The following TCF7L2 variants were observed in gnomAD, a reference collection of about 807,000 sequenced individuals.
The protein encoded by TCF7L2 is transcription factor 7-like 2.
A neutral mutation model predicts 77.9 loss-of-function variants in TCF7L2; 23 were observed. The ratio of observed to expected loss-of-function variants is 0.30; its 90% CI spans 0.21 to 0.42. The LOEUF (loss-of-function observed/expected upper bound fraction) is 0.42. Ranked by LOEUF, TCF7L2 falls within the 10% of genes least tolerant of loss-of-function variation. The pLI, the probability that TCF7L2 is intolerant of heterozygous loss-of-function variation, is 1.00. For synonymous variants in TCF7L2, 413 were observed against 340.2 expected, an observed-to-expected ratio of 1.21 and a Z score of -2.36; for missense variants, 654 against 793.1, an observed-to-expected ratio of 0.82 and a Z score of 2.11.
intron 4 of TCF7L2, among the ~76,000 whole-genome samples, chr10:112,991,191 G>A (rs894212155): frequency 6.6e-6 from 1 of 152,156 alleles, no homozygotes; most frequent in Non-Finnish European, 1.5e-5. Flanking sequence ...GTGGAATCCT[G>A]TATCCATGTG....
At chr10:113,084,558 G>A (rs1197297996) in intron 5 of TCF7L2, among the ~76,000 whole-genome samples, 1 of 152,164 alleles carries the variant, frequency 6.6e-6, no homozygotes, top group Non-Finnish European at 1.5e-5. Flanking sequence ...ATCCAGAATA[G>A]TGTATAACCA....
rs972607545 is a variant in TCF7L2 at position 113,167,016 on chromosome 10, G to A, written c.*1044G>A. ...TCGTTTCCCCTTTGAACTCCCAGTG[G>A]GATGCCCTACCCTGCGCCCTTAGGA... On this transcript the variant is annotated 3_prime_UTR_variant, in exon 14 of 14. Transcript: ENST00000627217. 1.7e-5 allele frequency: 4 copies of A among 231,434 alleles called. No individual in the cohort carries two copies. The Admixed American group carries it at 2.3e-4, about 13-fold the overall frequency. 14.3% of individuals were successfully genotyped at this position (231,434 alleles called of 1,614,324 possible). A position where few individuals can be genotyped will look rare whatever the true frequency, so the allele number is the denominator to read the frequency against.
chr10:112,962,217 A>C (rs116898950), intron 3 of TCF7L2, among the ~76,000 whole-genome samples: 1 of 152,176 alleles, frequency 6.6e-6, no homozygotes, highest in Admixed American at 6.5e-5. Context: ...TAAGATTCCT[A>C]TGGTAACCCT....
At chr10:112,989,549 C>T (rs765898426) in intron 4 of TCF7L2, among the ~76,000 whole-genome samples, 2 of 152,092 alleles carry the variant, frequency 1.3e-5, no homozygotes, top group African/African-American at 2.4e-5. Context: ...CTGACATGCT[C>T]ATGAGAGTTT....
chr10:113,090,756 G>A (rs539230434), intron 5 of TCF7L2, among the ~76,000 whole-genome samples: 101 of 148,932 alleles, frequency 6.8e-4, no homozygotes, highest in Non-Finnish European at 1.4e-3. Flanking sequence ...CTACAGGTGC[G>A]CGCCACCAAG....
At chr10:113,154,737 A>G (rs2071491064) in intron 11 of TCF7L2, among the ~76,000 whole-genome samples, 1 of 152,142 alleles carries the variant, frequency 6.6e-6, no homozygotes, top group Non-Finnish European at 1.5e-5. Context: ...TAAATTTGGA[A>G]GATGGTTTGG....
intron 5 of TCF7L2, among the ~76,000 whole-genome samples, chr10:113,045,305 A>G (rs1014757827): frequency 1.3e-5 from 2 of 152,060 alleles, no homozygotes; most frequent in African/African-American, 4.8e-5. Flanking sequence ...CCTGTTCTAG[A>G]GAGGAGGAAC....
chr10:113,116,610 T>G (rs1026080581), intron 5 of TCF7L2, among the ~76,000 whole-genome samples: 2 of 152,212 alleles, frequency 1.3e-5, no homozygotes, highest in Non-Finnish European at 2.9e-5. Context: ...TACAAGGTAG[T>G]TACTGTAAAT....
At chr10:113,134,378 C>T (rs2067083261) in intron 5 of TCF7L2, among the ~76,000 whole-genome samples, 1 of 152,182 alleles carries the variant, frequency 6.6e-6, no homozygotes, top group African/African-American at 2.4e-5. Flanking sequence ...TGGGACTGTC[C>T]ATGCAGGCCT....
chr10:112,950,782 G>T lies in TCF7L2; in HGVS notation c.26G>T (p.Gly9Val). ...ATGCCGCAGCTGAACGGCGGTGGAG[G>T]GGATGACCTAGGCGCCAACGACGAA... Residue 9 changes from glycine (G) to valine (V), a missense_variant, in exon 1 of 14, where the codon GGG becomes GTG. Coordinates refer to ENST00000627217, the MANE Select transcript of TCF7L2 (RefSeq NM_001146274.2). The T allele has an allele frequency of 6.3e-7, 1 of 1,582,182 alleles. No homozygotes were observed. Among genetic ancestry groups the T allele is most frequent in the Non-Finnish European group, 8.6e-7 (1 of 1,162,318 alleles).
chr10:112,964,793 ATGGTGG>A (rs1347417419), intron 4 of TCF7L2, among the ~76,000 whole-genome samples, 169 bp downstream of exon 4: 3 of 61,288 alleles, frequency 4.9e-5, no homozygotes, highest in Non-Finnish European at 8.7e-5. Flanking sequence ...GGTGGTGGTG[ATGGTGG>A]TGGTGGTGGT....
chr10:112,969,456 A>G (rs1405937502), intron 4 of TCF7L2, among the ~76,000 whole-genome samples: 2 of 152,184 alleles, frequency 1.3e-5, no homozygotes, highest in Admixed American at 6.5e-5. Flanking sequence ...ATTCTCCCAC[A>G]CATCTTTTGG....
At chr10:113,110,368 G>GTTTT (rs1564907731) in intron 5 of TCF7L2, among the ~76,000 whole-genome samples, 1 of 97,230 alleles carries the variant, frequency 1.0e-5, no homozygotes, top group African/African-American at 3.4e-5. Flanking sequence ...TGTCTACTGG[G>GTTTT]GTTTTTTTTT....
chr10:113,150,785 T>C (rs906949576), intron 8 of TCF7L2, among the ~76,000 whole-genome samples: 3 of 152,256 alleles, frequency 2.0e-5, no homozygotes, highest in African/African-American at 7.2e-5. Flanking sequence ...TAATGTCTTA[T>C]GTCAGTAGCA....
chr10:113,105,100 C>T (rs1468014408), intron 5 of TCF7L2, among the ~76,000 whole-genome samples: 1 of 152,198 alleles, frequency 6.6e-6, no homozygotes, highest in Non-Finnish European at 1.5e-5. Flanking sequence ...AAAGCCTGCA[C>T]AATAGGTCTC....
chr10:112,979,738 G>A (rs563540488), intron 4 of TCF7L2, among the ~76,000 whole-genome samples: 11 of 150,966 alleles, frequency 7.3e-5, no homozygotes, highest in Non-Finnish European at 1.3e-4. Flanking sequence ...CCTAGGTGAC[G>A]GAGCAAGACC....
chr10:113,143,985 G>T lies in TCF7L2; in HGVS notation c.748G>T (p.Val250Leu), dbSNP rs375223335. 1 of 1,614,060 alleles carries T rather than the reference G, an allele frequency of 6.2e-7. No homozygotes were observed. Among genetic ancestry groups the T allele is most frequent in the Non-Finnish European group, 8.5e-7 (1 of 1,180,006 alleles). The change falls in exon 7 of 14, where the codon GTA (valine) becomes TTA (leucine). Residue 250 changes from valine to leucine, a missense_variant. Val to Leu is a conservative substitution (Grantham distance 32). Around this residue, in one of 6 missense-constraint regions of TCF7L2, gnomAD observed 179 missense variants for 270.6 expected, o/e 0.66. Coordinates refer to ENST00000627217, the MANE Select transcript of TCF7L2 (RefSeq NM_001146274.2). ...GTATTACCCACTATCGCCTGGCACC[G>T]TAGGACAAATCCCCCATCCGCTAGG...
chr10:112,990,452 A>G lies in TCF7L2; in HGVS notation c.450+25828A>G, dbSNP rs138425717. Reference sequence around the variant, plus strand: ...GCCAGGCGCATGACTCATGCCAGTAATCCCAGCACTTTGGGAGGCTGAGGT... The same window carrying G: ...GCCAGGCGCATGACTCATGCCAGTAGTCCCAGCACTTTGGGAGGCTGAGGT... On this transcript the variant is annotated intron_variant, in intron 4 of 13. Coordinates refer to ENST00000627217, the MANE Select transcript of TCF7L2 (RefSeq NM_001146274.2). Among the ~76,000 whole-genome samples the G allele has an allele frequency of 6.9e-3, 1,045 of 152,260 alleles. 12 individuals are homozygous for G. The highest frequency in any genetic ancestry group is 0.024 in the Middle Eastern group (7 of 294).
chr10:113,140,143 G>A (rs2068087906), intron 5 of TCF7L2, among the ~76,000 whole-genome samples: 2 of 152,034 alleles, frequency 1.3e-5, no homozygotes, highest in African/African-American at 4.8e-5. Flanking sequence ...TTTGCAATTG[G>A]ATTACTCTCA....
Sources: allele counts gnomAD v4.1 joint callset (sites outside exome capture counted in the v4.1 genomes callset), GRCh38; gene constraint gnomAD v4.1.1; regional missense constraint gnomAD v4.1.1; transcripts MANE v1.5; gene names NCBI Gene and HGNC (gene_info 2026-07-23, HGNC 2026-07-21).